CIROP: variants seen among roughly 807,000 people sequenced by gnomAD.
CIROP encodes leishmanolysin homolog.
the CIROP span, chr14:23,102,671 GTCCAGAGAAACCCAAGGCATGGAGCAAT>G: frequency 6.3e-5 from 44 of 703,022 alleles, no homozygotes; most frequent in Non-Finnish European, 1.1e-4. Context: ...TTGAAGAGCT[GTCCAGAGAAACCCAAGGCATGGAGCAAT>G]TCATGTAATG....
the CIROP span, chr14:23,101,639 G>A: frequency 5.7e-6 from 4 of 702,986 alleles, no homozygotes; most frequent in Non-Finnish European, 1.0e-5. Flanking sequence ...GACCCACTCA[G>A]TTTCATTGTC....
At chr14:23,104,061 C>T in the CIROP span, among the ~76,000 whole-genome samples, 1 of 152,200 alleles carries the variant, frequency 6.6e-6, no homozygotes, top group African/African-American at 2.4e-5. Context: ...TTGGAATGGT[C>T]ATGGCAGGCT....
chr14:23,100,310 A>C, the CIROP span: 1 of 404,206 alleles, frequency 2.5e-6, no homozygotes, highest in African/African-American at 2.1e-5. Context: ...TGTCCTAGAG[A>C]TGGGGGAATG....
the CIROP span, chr14:23,101,456 G>A: frequency 1.6e-6 from 1 of 606,244 alleles, no homozygotes; most frequent in East Asian, 2.7e-5. Context: ...CCAGGGAGCA[G>A]CTGTGAAGTG....
chr14:23,104,736 AG>A, the CIROP span: 1 of 702,818 alleles, frequency 1.4e-6, no homozygotes. Flanking sequence ...TTGGATTCGT[AG>A]GGGTTGAGGA....
chr14:23,104,224 G>T, the CIROP span: 1 of 636,278 alleles, frequency 1.6e-6, no homozygotes, highest in Non-Finnish European at 2.8e-6. Flanking sequence ...AGATTTCAGT[G>T]TTGTTGACTC....
the CIROP span, chr14:23,101,562 ACT>A: frequency 1.5e-6 from 1 of 675,624 alleles, no homozygotes; most frequent in Non-Finnish European, 2.7e-6. Context: ...TCCAGCATTC[ACT>A]CTGAAGGGCA....
the CIROP span, chr14:23,099,350 A>G: frequency 2.4e-6 from 1 of 413,460 alleles, no homozygotes; most frequent in Non-Finnish European, 4.4e-6. Context: ...TAAGAGGCAG[A>G]TGGTCTCACA....
At chr14:23,100,406 T>C in the CIROP span, 18 of 412,340 alleles carry the variant, frequency 4.4e-5, no homozygotes, top group Non-Finnish European at 7.5e-5. Context: ...CGCAACCCTG[T>C]CTAGGACAAT....
the CIROP span, chr14:23,103,874 G>GT: frequency 1.5e-6 from 1 of 679,648 alleles, no homozygotes; most frequent in South Asian, 1.5e-5. Flanking sequence ...AGGAAATTGG[G>GT]TATGAGGAGT....
chr14:23,104,706 T>C, the CIROP span: 1 of 702,922 alleles, frequency 1.4e-6, no homozygotes, highest in Non-Finnish European at 2.6e-6. Context: ...ATCTGATATA[T>C]GATCTCCTAG....
At chr14:23,104,252 C>T in the CIROP span, 2 of 665,002 alleles carry the variant, frequency 3.0e-6, no homozygotes, top group South Asian at 3.2e-5. Flanking sequence ...CCTTTGCCCC[C>T]AGGCAACTCT....
chr14:23,103,309 G>A, the CIROP span: 8 of 378,408 alleles, frequency 2.1e-5, no homozygotes, highest in South Asian at 1.0e-4. Flanking sequence ...GATACTTTGG[G>A]AAGCCAAGGT....
the CIROP span, chr14:23,103,717 G>A: frequency 1.4e-6 from 1 of 703,046 alleles, no homozygotes; most frequent in Non-Finnish European, 2.6e-6. Context: ...GCACATACAG[G>A]AGAAAATCAG....
At chr14:23,103,047 G>C in the CIROP span, 1 of 544,396 alleles carries the variant, frequency 1.8e-6, no homozygotes, top group African/African-American at 1.9e-5. Flanking sequence ...GGCTATGACA[G>C]AGGGCTGTGG....
chr14:23,102,780 C>A, the CIROP span: 2 of 698,018 alleles, frequency 2.9e-6, no homozygotes, highest in Non-Finnish European at 5.2e-6. Flanking sequence ...CACTCTATAA[C>A]CCCTCTGCCC....
chr14:23,099,664 A>G, the CIROP span: 24 of 372,854 alleles, frequency 6.4e-5, no homozygotes, highest in African/African-American at 3.6e-4. Context: ...GGCTCAAGCA[A>G]TTCTCCTGCC....
At chr14:23,104,701 A>G in the CIROP span, 1 of 702,772 alleles carries the variant, frequency 1.4e-6, no homozygotes, top group East Asian at 2.7e-5. Flanking sequence ...GCTCCATCTG[A>G]TATATGATCT....
At chr14:23,100,804 C>G in the CIROP span, 1 of 398,956 alleles carries the variant, frequency 2.5e-6, no homozygotes, top group East Asian at 3.6e-5. Flanking sequence ...AAGTAAAGGA[C>G]TTAGGGATTC....
Sources: gnomAD v4.1 joint callset for allele counts (sites outside exome capture counted in the v4.1 genomes callset) on GRCh38, gnomAD v4.1.1 for gene constraint, MANE v1.5 for transcripts, NCBI Gene and HGNC (gene_info 2026-07-23, HGNC 2026-07-21) for gene names.